The following ZNF782 variants were observed in gnomAD, a reference collection of about 807,000 sequenced individuals.
ZNF782 encodes zinc finger protein 782.
In ZNF782, 12 loss-of-function variants were observed where a neutral mutation model predicts 13.0. The ratio of observed to expected loss-of-function variants is 0.92; its 90% CI spans 0.59 to 1.50. The LOEUF (loss-of-function observed/expected upper bound fraction) is 1.50, where lower values mean the gene tolerates loss of function less well. Among genes scored for constraint, ZNF782 ranks in the 40% most tolerant of loss-of-function variants. The probability of loss-of-function intolerance (pLI) is 0.00; values close to 1 mark genes in which losing one functional copy is unlikely to be tolerated. For synonymous variants in ZNF782, 284 were observed against 283.0 expected (o/e 1.00, Z -0.04); for missense variants, 770 against 822.9 (o/e 0.94, Z 0.79).
the ZNF782 span, chr9:96,891,623 G>C: frequency 1.4e-5 from 2 of 146,364 alleles, no homozygotes; most frequent in African/African-American, 5.1e-5. Context: ...GCAGTGGTGT[G>C]ATCTCGGCTC....
chr9:96,931,701 C>A, the ZNF782 span: 18 of 1,610,986 alleles, frequency 1.1e-5, no homozygotes, highest in Non-Finnish European at 1.4e-5. Context: ...GCTCATTCAC[C>A]TCTTTCCTTT....
At chr9:96,927,949 A>G in the ZNF782 span, among the ~76,000 whole-genome samples, 2 of 149,034 alleles carry the variant, frequency 1.3e-5, no homozygotes, top group African/African-American at 5.1e-5. Context: ...ACATATTAAT[A>G]TATTAATTTT....
Position 96,827,012 on chromosome 9 carries a change from T to C in ZNF782, c.244+68A>G, listed in dbSNP as rs1850644316. 5.0e-6 allele frequency: 5 copies of C among 992,098 alleles called. No homozygotes were observed. The South Asian group carries it at 6.2e-5, about 12-fold the overall frequency. The allele number at this position is 992,098 out of a possible 1,614,324, so 61.5% of individuals were successfully genotyped here. ...TAAATTTTAACCATTATTATGACTA[T>C]ACGCTGAGTTGTGTGAGTACTCCTA... On this transcript the variant is annotated intron_variant, in intron 5 of 5. Transcript: ENST00000481138.
intron 2 of ZNF782, among the ~76,000 whole-genome samples, chr9:96,852,299 G>A (rs1851518060): frequency 6.6e-6 from 1 of 152,168 alleles, no homozygotes; most frequent in Non-Finnish European, 1.5e-5. Flanking sequence ...GACAATACAG[G>A]ATTAGTTGAA....
chr9:96,898,293 A>G, the ZNF782 span, among the ~76,000 whole-genome samples: 1 of 148,864 alleles, frequency 6.7e-6, no homozygotes. Flanking sequence ...CCCATCAAGC[A>G]GTCACTCGCT....
chr9:96,929,532 G>C, the ZNF782 span, among the ~76,000 whole-genome samples: 2 of 151,568 alleles, frequency 1.3e-5, no homozygotes, highest in African/African-American at 4.8e-5. Context: ...GGCTGTGACA[G>C]AGCATGTAGT....
Position 96,819,207 on chromosome 9 carries a change from C to A in ZNF782, c.816G>T (p.Glu272Asp). The A allele has an allele frequency of 6.2e-7, 1 of 1,610,776 alleles. No homozygotes were observed. ...QNMNPEKSHY[E>D]FNDTGNCFCR... The stretch of plus-strand genomic sequence containing the variant: ...AGAAACAATTTCCAGTATCATTAAA[C>A]TCATAGTGACTCTTCTCTGGATTCA... The change falls in exon 6 of 6, where the codon GAG becomes GAT. Residue 272 changes from glutamate to aspartate, a missense_variant. Transcript: ENST00000481138.
chr9:96,926,806 C>T, the ZNF782 span, among the ~76,000 whole-genome samples: 11 of 152,224 alleles, frequency 7.2e-5, no homozygotes, highest in Admixed American at 1.3e-4. Context: ...CAAATGTCTT[C>T]GAAAGGGGCA....
At chr9:96,837,856 G>C (rs374051865) in intron 4 of ZNF782, among the ~76,000 whole-genome samples, 21 of 152,208 alleles carry the variant, frequency 1.4e-4, no homozygotes, top group African/African-American at 3.9e-4. Context: ...CACGTAGCTG[G>C]AACTACTGGC....
At position 96,850,741 on chromosome 9, in the gene ZNF782, T is replaced by C. The variant is rs1187919395; in HGVS notation, c.15+1206A>G. Among the ~76,000 whole-genome samples the C allele has an allele frequency of 2.0e-5, 3 of 152,238 alleles. No individual in the cohort carries two copies. The highest frequency in any genetic ancestry group is 7.2e-5 in the African/African-American group (3 of 41,464). On this transcript the variant is annotated intron_variant, in intron 3 of 5. Transcript: ENST00000481138. This position sits in a 1 kb window ranked among gnomAD's most constrained non-coding sequence, Gnocchi z 4.3. Reference sequence around the variant, plus strand: ...TTATTTTAGTCTTGCTCTTTCATTTTAGTTAAGGCCTGTCTTGACTTCTTT... The same window carrying C: ...TTATTTTAGTCTTGCTCTTTCATTTCAGTTAAGGCCTGTCTTGACTTCTTT...
the ZNF782 span, among the ~76,000 whole-genome samples, chr9:96,881,268 C>G: frequency 6.6e-6 from 1 of 151,950 alleles, no homozygotes. Flanking sequence ...TTTCTTGATT[C>G]CTCTTATCTT....
intron 3 of ZNF782, among the ~76,000 whole-genome samples, chr9:96,845,555 C>G (rs1851320879): frequency 6.6e-6 from 1 of 152,202 alleles, no homozygotes; most frequent in South Asian, 2.1e-4. Flanking sequence ...TAGTGCCCAG[C>G]TGGGAAGTGA....
At chr9:96,848,676 A>C (rs1851408950) in intron 3 of ZNF782, among the ~76,000 whole-genome samples, 1 of 152,232 alleles carries the variant, frequency 6.6e-6, no homozygotes, top group African/African-American at 2.4e-5. Context: ...AAGAAATCAC[A>C]GGTGACACAG....
exon 1 of ZNF782, chr9:96,875,496 C>T (rs1206335056): frequency 6.6e-6 from 3 of 456,642 alleles, no homozygotes; most frequent in Non-Finnish European, 1.3e-5. Flanking sequence ...TTATGCAGCT[C>T]TTTCGGTCTC....
intron 4 of ZNF782, 111 bp downstream of exon 4, chr9:96,844,778 GA>G: frequency 6.7e-7 from 1 of 1,489,260 alleles, no homozygotes. Flanking sequence ...TATAAAAAAG[GA>G]AAACCAGAAT....
chr9:96,911,870 C>T, the ZNF782 span, among the ~76,000 whole-genome samples: 2 of 152,018 alleles, frequency 1.3e-5, no homozygotes, highest in Admixed American at 6.6e-5. Context: ...TGTGTATGTA[C>T]TTAGCTGTAC....
At chr9:96,910,547 T>C in the ZNF782 span, 6 of 107,720 alleles carry the variant, frequency 5.6e-5, no homozygotes, top group Non-Finnish European at 1.2e-4. Context: ...CACCCACAGA[T>C]GACACACACT....
the ZNF782 span, chr9:96,894,111 C>G: frequency 2.0e-5 from 3 of 151,728 alleles, no homozygotes; most frequent in African/African-American, 7.3e-5. Flanking sequence ...CCAAACACCG[C>G]ATGTTCTCAC....
chr9:96,931,321 T>A, the ZNF782 span, among the ~76,000 whole-genome samples: 1 of 151,614 alleles, frequency 6.6e-6, no homozygotes, highest in South Asian at 2.1e-4. Context: ...GCCTTCTGAA[T>A]GCCGAGCACT....
Sources: gnomAD v4.1 joint callset for allele counts (sites outside exome capture counted in the v4.1 genomes callset) on GRCh38, gnomAD v4.1.1 for gene constraint, Gnocchi (gnomAD v3.1) non-coding constraint, MANE v1.5 for transcripts, NCBI Gene and HGNC (gene_info 2026-07-23, HGNC 2026-07-21) for gene names.